DIDO1: variants seen among roughly 807,000 people sequenced by gnomAD.
The protein encoded by DIDO1 is death-inducer obliterator 1.
DIDO1 carries 16 observed loss-of-function variants against 99.4 expected under a neutral mutation model. That is an observed-to-expected ratio of 0.16 (90% confidence interval 0.11 to 0.24). DIDO1 has a LOEUF of 0.24. DIDO1 is among the 10% of genes least tolerant of loss of function. DIDO1 has a pLI of 1.00. For synonymous variants in DIDO1, 1,366 were observed against 1,239.1 expected, an observed-to-expected ratio of 1.10 and a Z score of -2.15; for missense variants, 2,996 against 3,014.0, an observed-to-expected ratio of 0.99 and a Z score of 0.14.
At position 62,911,337 on chromosome 20, in the gene DIDO1, G is replaced by A. The variant is rs2064934307; in HGVS notation, c.276C>T (p.Ser92=). The part of the protein sequence containing the change: ...RRRGRRSMPV[S]LEDSGEPTSC... The stretch of plus-strand genomic sequence containing the variant: ...ACGTGGGCTCACCAGAATCCTCCAG[G>A]GAGACAGGCATGCTCCTCCTGCCGC... The change falls in exon 3 of 16, where the codon TCC becomes TCT. Residue 92 remains serine, a synonymous_variant. Coordinates refer to ENST00000395343, the MANE Select transcript of DIDO1 (RefSeq NM_001193369.2). The surrounding 1 kb of genome is among the most constrained non-coding windows in gnomAD (Gnocchi z 7.0). 5 of 1,608,868 alleles carry A rather than the reference G, an allele frequency of 3.1e-6. No individual in the cohort carries two copies. Among genetic ancestry groups the A allele is most frequent in the Non-Finnish European group, 4.2e-6 (5 of 1,179,996 alleles).
rs113281016 is a variant in DIDO1 at position 62,909,620 on chromosome 20, G to A, written c.1161+79C>T. The A allele has an allele frequency of 1.3e-4, 198 of 1,551,914 alleles. 2 individuals are homozygous for A. In the African/African-American group the frequency reaches 2.0e-3, roughly 16 times the overall value. On this transcript the variant is annotated intron_variant, in intron 4 of 15. Coordinates refer to ENST00000395343, the MANE Select transcript of DIDO1 (RefSeq NM_001193369.2). ...CCACATGGGTGCAGCACCCGTCCTG[G>A]GAGGAATTTCTATCTAGAGCGAGAC...
Position 62,909,798 on chromosome 20 carries a change from T to C in DIDO1, c.1062A>G (p.Gly354=), listed in dbSNP as rs2064888429. ...DADGTDCTSI[G]TIEQKSSEDQ... ...CTTCGCTAGACTTCTGCTCTATTGT[T>C]CCTATACTTGTACAATCGGTGCCAT... Residue 354 remains glycine (G), a synonymous_variant, in exon 4 of 16, where the codon GGA becomes GGG. Transcript: ENST00000395343. 6.2e-7 allele frequency: 1 copy of C among 1,614,130 alleles called. No homozygotes were observed. Among genetic ancestry groups the C allele is most frequent in the African/African-American group, 1.3e-5 (1 of 74,948 alleles).
intron 2 of DIDO1, among the ~76,000 whole-genome samples, chr20:62,913,549 C>T (rs2064986296): frequency 6.6e-6 from 1 of 152,250 alleles, no homozygotes; most frequent in Non-Finnish European, 1.5e-5. Context: ...TATTCGTTCT[C>T]ATTGGAAATT....
chr20:62,899,035 G>C (rs919787055), intron 6 of DIDO1, among the ~76,000 whole-genome samples: 1 of 152,136 alleles, frequency 6.6e-6, no homozygotes, highest in Non-Finnish European at 1.5e-5. Flanking sequence ...AGCAGCGAGG[G>C]GGTGGGGTGA....
chr20:62,910,587 C>T (rs747153944), intron 3 of DIDO1, among the ~76,000 whole-genome samples, 187 bp downstream of exon 3: 11 of 152,248 alleles, frequency 7.2e-5, no homozygotes, highest in Non-Finnish European at 1.3e-4. Flanking sequence ...TGGCCAGTGG[C>T]TACCAGAGTG....
At position 62,911,218 on chromosome 20, in the gene DIDO1, A is replaced by G. The variant is rs1443857350; in HGVS notation, c.395T>C (p.Val132Ala). 6.2e-7 allele frequency: 1 copy of G among 1,613,368 alleles called. No individual in the cohort carries two copies. The highest frequency in any genetic ancestry group is 1.3e-5 in the African/African-American group (1 of 74,920). ...TTCAGAAGAGGCTGGTCGTTCCTTC[A>G]CAGCTGTGGAAGCAGACTGGGGGCC... is the stretch of plus-strand genomic sequence containing the variant. ...RSGPQSASTA[V>A]KERPASSEKV... Residue 132 changes from valine (V) to alanine (A), a missense_variant, in exon 3 of 16, where the codon GTG (valine) becomes GCG (alanine). Physicochemically the swap from Val to Ala is moderately conservative, Grantham distance 64 (BLOSUM62 0). This residue lies in a region of DIDO1 where 388 missense variants were observed against 376.6 expected (regional missense o/e 1.03). Coordinates refer to ENST00000395343, the MANE Select transcript of DIDO1 (RefSeq NM_001193369.2). The surrounding 1 kb of genome is among the most constrained non-coding windows in gnomAD (Gnocchi z 7.0).
At chr20:62,888,682 G>A (rs1274754081) in intron 15 of DIDO1, 15 of 985,394 alleles carry the variant, frequency 1.5e-5, no homozygotes, top group East Asian at 1.1e-4. Flanking sequence ...ACATGCACAC[G>A]CACTACACAT....
intron 3 of DIDO1, among the ~76,000 whole-genome samples, 161 bp downstream of exon 3, chr20:62,910,613 G>A (rs2064910370): frequency 6.6e-6 from 1 of 152,254 alleles, no homozygotes; most frequent in East Asian, 1.9e-4. Context: ...GTGGCTCTAG[G>A]AAGTCCTTAG....
chr20:62,888,809 T>A (rs1294694149), intron 15 of DIDO1: 2 of 985,328 alleles, frequency 2.0e-6, no homozygotes, highest in Non-Finnish European at 2.4e-6. Flanking sequence ...GTGAAGGCTG[T>A]TTAGTGACCA....
chr20:62,890,985 G>A lies in DIDO1; in HGVS notation c.3516C>T (p.Ser1172=). The change falls in exon 15 of 16, where the codon TCC becomes TCT. Residue 1172 remains serine, a synonymous_variant. Transcript: ENST00000395343. ...IPLSAQDPVP[S]KLLPFEGPGL... is the part of the protein sequence containing the mutation. ...CTGGTCCCTCAAAGGGCAAGAGTTT[G>A]GATGGAACAGGGTCCTGGGCGCTCA... The A allele has an allele frequency of 6.2e-7, 1 of 1,614,112 alleles. No individual in the cohort carries two copies. The highest frequency in any genetic ancestry group is 8.5e-7 in the Non-Finnish European group (1 of 1,180,032).
intron 6 of DIDO1, among the ~76,000 whole-genome samples, chr20:62,901,192 C>A (rs769989304): frequency 1.6e-4 from 24 of 152,204 alleles, no homozygotes; most frequent in Non-Finnish European, 2.9e-4. Context: ...TCAGAGGAGA[C>A]CATCACTACA....
chr20:62,930,198 G>C (rs1158719238), upstream of DIDO1, among the ~76,000 whole-genome samples: 3 of 148,692 alleles, frequency 2.0e-5, no homozygotes, highest in East Asian at 6.0e-4. Context: ...GCGAGACTCC[G>C]TCTCAAAGAA....
rs994470479 is a variant in DIDO1 at position 62,905,549 on chromosome 20, G to C, written c.1588+338C>G. The C allele has an allele frequency of 5.8e-6, 9 of 1,550,968 alleles. No homozygotes were observed. In the African/African-American group the frequency reaches 9.6e-5, roughly 17 times the overall value. ...AGGGGTGGATGTGGCGTGCCGGGCA[G>C]TGTGGCTATGCAATCAGACTGGGAT... On this transcript the variant is annotated intron_variant, in intron 6 of 15. Coordinates refer to ENST00000395343, the MANE Select transcript of DIDO1 (RefSeq NM_001193369.2).
At chr20:62,906,974 C>T (rs778421565) in intron 5 of DIDO1, among the ~76,000 whole-genome samples, 173 bp downstream of exon 5, 3 of 152,198 alleles carry the variant, frequency 2.0e-5, no homozygotes, top group Non-Finnish European at 2.9e-5. Context: ...CCTCAGCTAA[C>T]GGGCAGAGAA....
At chr20:62,904,843 G>A (rs1484287410) in intron 6 of DIDO1, among the ~76,000 whole-genome samples, 2 of 147,158 alleles carry the variant, frequency 1.4e-5, no homozygotes, top group Non-Finnish European at 3.0e-5. Flanking sequence ...ACCTAGCATA[G>A]GTCTGCTTGC....
In DIDO1 at chr20:62,887,690, T is replaced by A; in HGVS notation, c.3541+3270A>T. 1 of 985,186 alleles carries A rather than the reference T, an allele frequency of 1.0e-6. No individual in the cohort carries two copies. Among genetic ancestry groups the A allele is most frequent in the Non-Finnish European group, 1.2e-6 (1 of 829,888 alleles). 61.0% of individuals were successfully genotyped at this position (985,186 alleles called of 1,614,324 possible). On this transcript the variant is annotated intron_variant, in intron 15 of 15. Transcript: ENST00000395343. The stretch of plus-strand genomic sequence containing the variant: ...CTGCGGTCCAGTCCTGTAAGGGCCC[T>A]GCACAGAACCCTACACGATGAGCTT...
intron 2 of DIDO1, among the ~76,000 whole-genome samples, chr20:62,912,214 C>T (rs763270959): frequency 2.0e-5 from 3 of 152,196 alleles, no homozygotes; most frequent in African/African-American, 7.2e-5. Flanking sequence ...AGGAAGGATG[C>T]TATCACTATC....
chr20:62,899,936 G>A (rs773111904), intron 6 of DIDO1, among the ~76,000 whole-genome samples: 14 of 152,264 alleles, frequency 9.2e-5, no homozygotes, highest in African/African-American at 1.7e-4. Flanking sequence ...AATGGGGACA[G>A]AAACTTTTTA....
chr20:62,907,635 G>A (rs891633526), intron 4 of DIDO1, among the ~76,000 whole-genome samples: 5 of 152,270 alleles, frequency 3.3e-5, no homozygotes, highest in Non-Finnish European at 7.3e-5. Context: ...CCTCTCGAGG[G>A]TGGGCGGGGC....
Sources: allele counts gnomAD v4.1 joint callset (sites outside exome capture counted in the v4.1 genomes callset), GRCh38; gene constraint gnomAD v4.1.1; regional missense constraint gnomAD v4.1.1; non-coding constraint Gnocchi (gnomAD v3.1); transcripts MANE v1.5; gene names NCBI Gene and HGNC (gene_info 2026-07-23, HGNC 2026-07-21).